Variants in SLC35F4 observed in about 807,000 individuals in gnomAD.
SLC35F4 encodes the protein solute carrier family 35 member F4.
Under a neutral mutation model 44.2 loss-of-function variants are expected in SLC35F4, and 24 were observed. The observed-to-expected ratio is 0.54, with a 90% CI of 0.39 to 0.76. The LOEUF is 0.76. Ranked by LOEUF, SLC35F4 falls within the 30% of genes least tolerant of loss-of-function variation. The probability of loss-of-function intolerance (pLI) is 0.00; values close to 1 mark genes in which losing one functional copy is unlikely to be tolerated. For synonymous variants in SLC35F4, 238 were observed against 223.6 expected (o/e 1.06, Z -0.57); for missense variants, 562 against 586.1 (o/e 0.96, Z 0.42).
chr14:57,568,789 C>T (rs187105397), intron 6 of SLC35F4, among the ~76,000 whole-genome samples: 3 of 152,078 alleles, frequency 2.0e-5, no homozygotes, highest in South Asian at 2.1e-4. Context: ...TTCTGCAGGT[C>T]GAGCATTGTG....
chr14:57,644,810 A>C (rs2073424707), intron 1 of SLC35F4, among the ~76,000 whole-genome samples: 1 of 152,168 alleles, frequency 6.6e-6, no homozygotes, highest in Admixed American at 6.5e-5. Flanking sequence ...AGGTGTAAGG[A>C]AGGGATCCAG....
upstream of SLC35F4, among the ~76,000 whole-genome samples, chr14:57,867,643 GT>G (rs1415867038): frequency 6.6e-6 from 1 of 151,228 alleles, no homozygotes; most frequent in African/African-American, 2.4e-5. Flanking sequence ...ACTTTTGTTA[GT>G]TTTATTATTT....
intron 1 of SLC35F4, among the ~76,000 whole-genome samples, chr14:57,913,478 T>C (rs1889256067): frequency 1.3e-5 from 2 of 152,148 alleles, no homozygotes; most frequent in East Asian, 3.8e-4. Flanking sequence ...GAGTTTGCAA[T>C]ATACATTTAC....
chr14:57,695,087 T>C (rs968648460), intron 1 of SLC35F4, among the ~76,000 whole-genome samples: 19 of 152,194 alleles, frequency 1.2e-4, no homozygotes, highest in South Asian at 2.1e-4. Context: ...ACCTAGGCAA[T>C]ACCATTCAGG....
chr14:57,695,783 A>G (rs1236527186), intron 1 of SLC35F4, among the ~76,000 whole-genome samples: 1 of 152,222 alleles, frequency 6.6e-6, no homozygotes, highest in Admixed American at 6.5e-5. Flanking sequence ...AATATCCAAC[A>G]ATGATAGACT....
intron 1 of SLC35F4, among the ~76,000 whole-genome samples, chr14:57,690,240 A>T (rs2075190774): frequency 6.6e-6 from 1 of 152,198 alleles, no homozygotes; most frequent in African/African-American, 2.4e-5. Flanking sequence ...TTGAGCACCT[A>T]CTGTGTGCTA....
chr14:57,817,098 ACCTCT>A (rs1882686166), intron 1 of SLC35F4, among the ~76,000 whole-genome samples: 1 of 152,132 alleles, frequency 6.6e-6, no homozygotes, highest in South Asian at 2.1e-4. Context: ...CAAAAGGCTC[ACCTCT>A]AGTAGATGAA....
chr14:57,703,742 A>G (rs1373488013), intron 1 of SLC35F4, among the ~76,000 whole-genome samples: 1 of 152,220 alleles, frequency 6.6e-6, no homozygotes, highest in Admixed American at 6.5e-5. Flanking sequence ...ATTATTTGTC[A>G]TTCATTCTAA....
chr14:57,735,442 A>G (rs1296311056), intron 1 of SLC35F4, among the ~76,000 whole-genome samples: 2 of 152,098 alleles, frequency 1.3e-5, no homozygotes, highest in Non-Finnish European at 2.9e-5. Context: ...TCAGCTAGAG[A>G]GTTGGCAGGG....
At position 57,643,164 on chromosome 14, in the gene SLC35F4, A is replaced by G. The variant is rs946022957; in HGVS notation, c.104-49040T>C. 6.6e-5 allele frequency among the ~76,000 whole-genome samples: 10 copies of G among 152,058 alleles called. No homozygotes were observed. The East Asian group carries it at 1.2e-3, about 18-fold the overall frequency. On this transcript the variant is annotated intron_variant, in intron 1 of 7. Transcript: ENST00000556826. Reference sequence around the variant, plus strand: ...CACCTTCAGAAAAAAAAAATAAAACACTTAAGCAAGTATAGTAACACTTAC... The same window carrying G: ...CACCTTCAGAAAAAAAAAATAAAACGCTTAAGCAAGTATAGTAACACTTAC...
chr14:57,576,552 T>C (rs1310219183), intron 4 of SLC35F4, among the ~76,000 whole-genome samples: 2 of 152,216 alleles, frequency 1.3e-5, no homozygotes, highest in African/African-American at 4.8e-5. Context: ...ATCCTTAAAC[T>C]TCTGCATATG....
chr14:57,705,879 CCTAA>C (rs2075661430), intron 1 of SLC35F4, among the ~76,000 whole-genome samples: 1 of 151,822 alleles, frequency 6.6e-6, no homozygotes, highest in Non-Finnish European at 1.5e-5. Flanking sequence ...TTTTTTTCTC[CCTAA>C]CTAGAGGTTA....
intron 1 of SLC35F4, among the ~76,000 whole-genome samples, chr14:57,856,603 A>G (rs946087958): frequency 1.3e-5 from 2 of 152,092 alleles, no homozygotes; most frequent in Non-Finnish European, 2.9e-5. Context: ...CATCAATAAC[A>G]TATACAACGA....
intron 1 of SLC35F4, among the ~76,000 whole-genome samples, chr14:57,878,837 T>C (rs924350254): frequency 2.6e-5 from 4 of 152,212 alleles, no homozygotes; most frequent in Admixed American, 1.3e-4. Flanking sequence ...AATTCATTAA[T>C]ACTGGTTATC....
chr14:57,979,518 C>A (rs1373800110), intron 1 of SLC35F4, among the ~76,000 whole-genome samples: 1 of 152,188 alleles, frequency 6.6e-6, no homozygotes, highest in Admixed American at 6.5e-5. Flanking sequence ...TCTTACCTCT[C>A]ATTCCCTGCT....
chr14:57,731,288 T>C (rs2076338289), intron 1 of SLC35F4, among the ~76,000 whole-genome samples: 1 of 152,168 alleles, frequency 6.6e-6, no homozygotes, highest in East Asian at 1.9e-4. Context: ...TGTTTGAAAA[T>C]AATATGCAGC....
chr14:57,600,356 A>G (rs981873968), intron 1 of SLC35F4, among the ~76,000 whole-genome samples: 1 of 152,246 alleles, frequency 6.6e-6, no homozygotes, highest in African/African-American at 2.4e-5. Flanking sequence ...GTTGGTAGCC[A>G]TAATTATTAA....
chr14:57,825,015 T>TA (rs1022701602), intron 1 of SLC35F4, among the ~76,000 whole-genome samples: 1 of 151,632 alleles, frequency 6.6e-6, no homozygotes, highest in Non-Finnish European at 1.5e-5. Flanking sequence ...ATTTCAGGGG[T>TA]AAAAAAAGAC....
chr14:57,587,957 G>A (rs977625406), intron 3 of SLC35F4, among the ~76,000 whole-genome samples: 1 of 150,694 alleles, frequency 6.6e-6, no homozygotes, highest in Non-Finnish European at 1.5e-5. Flanking sequence ...CGGCCAAGGT[G>A]GTCAGATCAC....
Sources: allele counts gnomAD v4.1 joint callset (sites outside exome capture counted in the v4.1 genomes callset), GRCh38; gene constraint gnomAD v4.1.1; transcripts MANE v1.5; gene names NCBI Gene and HGNC (gene_info 2026-07-23, HGNC 2026-07-21).